TCF24: variants seen among roughly 807,000 people sequenced by gnomAD.
TCF24 encodes the protein transcription factor 24.
Under a neutral mutation model 9.3 loss-of-function variants are expected in TCF24, and 5 were observed. The ratio of observed to expected loss-of-function variants is 0.54; its 90% CI spans 0.28 to 1.13. The LOEUF (loss-of-function observed/expected upper bound fraction) is 1.13, where lower values mean the gene tolerates loss of function less well. Among genes scored for constraint, TCF24 ranks in the 50% most tolerant of loss-of-function variants. The probability of loss-of-function intolerance (pLI) is 0.09; values close to 1 mark genes in which losing one functional copy is unlikely to be tolerated. For missense variants in TCF24, 220 were observed against 236.1 expected (o/e 0.93, Z 0.45); for synonymous variants, 110 against 115.8 (o/e 0.95, Z 0.32).
intron 3 of TCF24, among the ~76,000 whole-genome samples, chr8:66,950,539 T>C (rs564452203): frequency 6.6e-6 from 1 of 151,764 alleles, no homozygotes; most frequent in East Asian, 1.9e-4. Context: ...CCTCCAGCTT[T>C]GTTCTTTTGG....
intron 3 of TCF24, among the ~76,000 whole-genome samples, chr8:66,960,023 C>T (rs1203591960): frequency 6.6e-6 from 1 of 152,130 alleles, no homozygotes; most frequent in Non-Finnish European, 1.5e-5. Flanking sequence ...TTAACAGATG[C>T]TCTTTGTATT....
intron 3 of TCF24, among the ~76,000 whole-genome samples, chr8:66,949,557 A>G (rs1012651880): frequency 6.6e-6 from 1 of 152,192 alleles, no homozygotes; most frequent in African/African-American, 2.4e-5. Flanking sequence ...TAATGCCGCA[A>G]TAAACATACG....
chr8:66,958,971 ATGTT>A (rs745854274), intron 3 of TCF24, among the ~76,000 whole-genome samples: 4 of 152,072 alleles, frequency 2.6e-5, no homozygotes, highest in Non-Finnish European at 5.9e-5. Context: ...TTCATTTGAG[ATGTT>A]TGTTTTCTTT....
chr8:66,951,702 C>G (rs974221893), intron 3 of TCF24, among the ~76,000 whole-genome samples: 2 of 151,984 alleles, frequency 1.3e-5, no homozygotes, highest in East Asian at 3.9e-4. Context: ...TGGTAGAATT[C>G]GGCTGTGAAT....
intron 3 of TCF24, among the ~76,000 whole-genome samples, chr8:66,958,873 G>A (rs1298200762): frequency 6.6e-6 from 1 of 152,192 alleles, no homozygotes; most frequent in Non-Finnish European, 1.5e-5. Context: ...AGCTGATGCT[G>A]ATGGAAATAA....
intron 3 of TCF24, among the ~76,000 whole-genome samples, chr8:66,957,111 CAAAAAAAA>C (rs1165600722): frequency 6.4e-5 from 1 of 15,728 alleles, no homozygotes; most frequent in East Asian, 2.8e-3. Flanking sequence ...GACTCCGTCT[CAAAAAAAA>C]AAAAAAAAAA....
chr8:66,958,360 TA>T (rs968118864), intron 3 of TCF24, among the ~76,000 whole-genome samples: 29 of 152,204 alleles, frequency 1.9e-4, no homozygotes, highest in African/African-American at 6.5e-4. Flanking sequence ...TTAGAAAATT[TA>T]GCAAACTCAT....
chr8:66,961,669 C>A lies in TCF24; in HGVS notation c.97G>T (p.Gly33Trp). The stretch of plus-strand genomic sequence containing the variant: ...CCCCCAGGGCCCGCCGGCCCCGGCC[C>A]GGTCCGCCCGGGACGCGAGTCGCGG... ...AIRDSRPGRT[G>W]PGPAGPGGGS... Residue 33 changes from glycine to tryptophan, a missense_variant, in exon 3 of 4, where the codon GGG becomes TGG. Gly to Trp is a radical substitution (Grantham distance 184). Coordinates refer to ENST00000563496, the MANE Select transcript of TCF24 (RefSeq NM_001193502.2). 9.0e-7 allele frequency: 1 copy of A among 1,117,164 alleles called. No individual in the cohort carries two copies. Among genetic ancestry groups the A allele is most frequent in the Non-Finnish European group, 1.1e-6 (1 of 915,940 alleles). The allele number at this position is 1,117,164 out of a possible 1,614,324, so 69.2% of individuals were successfully genotyped here.
chr8:66,959,810 AAAAC>A (rs1479541037), intron 3 of TCF24, among the ~76,000 whole-genome samples: 67 of 152,356 alleles, frequency 4.4e-4, no homozygotes, highest in African/African-American at 1.5e-3. Flanking sequence ...TTTTAAAATA[AAAAC>A]AATCAATATT....
At chr8:66,949,196 T>C (rs182234107) in intron 3 of TCF24, among the ~76,000 whole-genome samples, 53 of 152,172 alleles carry the variant, frequency 3.5e-4, no homozygotes, top group Admixed American at 1.5e-3. Flanking sequence ...GCTGGTGCGC[T>C]GCACCCACTA....
intron 1 of TCF24, 70 bp downstream of exon 1, chr8:66,962,259 C>G (rs1563408905): frequency 6.6e-6 from 1 of 152,386 alleles, no homozygotes; most frequent in Non-Finnish European, 1.5e-5. Flanking sequence ...TTAGCCTCAC[C>G]TCGGGGTACG....
Position 66,946,967 on chromosome 8 carries a change from ATAAAGATTCTTTT to A in TCF24, c.*1071_*1083del, listed in dbSNP as rs1391314040. 1 of 152,186 alleles carries A rather than the reference ATAAAGATTCTTTT, an allele frequency of 6.6e-6. No homozygotes were observed. Among genetic ancestry groups the A allele is most frequent in the Non-Finnish European group, 1.5e-5 (1 of 68,046 alleles). 9.4% of individuals were successfully genotyped at this position (152,186 alleles called of 1,614,324 possible). On this transcript the variant is annotated 3_prime_UTR_variant, in exon 4 of 4. Transcript: ENST00000563496. ...AGAAGTTTTGATTTCATTCCTTAGG[ATAAAGATTCTTTT>A]TAGCACTTCTTATGTCAATAACTTA...
chr8:66,948,764 C>T (rs1320552925), intron 3 of TCF24, among the ~76,000 whole-genome samples: 1 of 152,034 alleles, frequency 6.6e-6, no homozygotes, highest in Non-Finnish European at 1.5e-5. Context: ...GGCACAATCT[C>T]GGTTCACTGC....
chr8:66,958,213 C>CA (rs1814194874), intron 3 of TCF24, among the ~76,000 whole-genome samples: 1 of 152,022 alleles, frequency 6.6e-6, no homozygotes, highest in Non-Finnish European at 1.5e-5. Context: ...ATCAGGATGC[C>CA]AAAAAAGCCA....
intron 3 of TCF24, among the ~76,000 whole-genome samples, chr8:66,954,353 G>T (rs951721072): frequency 1.3e-5 from 2 of 151,692 alleles, no homozygotes; most frequent in Admixed American, 6.6e-5. Context: ...ATACCCTGCC[G>T]TGTGAGGTGT....
chr8:66,961,591 G>T lies in TCF24; in HGVS notation c.175C>A (p.Arg59Ser). Residue 59 changes from arginine (R) to serine (S), a missense_variant, in exon 3 of 4, where the codon CGC becomes AGC. By Grantham distance (110) the Arg-to-Ser change is moderately radical. Coordinates refer to ENST00000563496, the MANE Select transcript of TCF24 (RefSeq NM_001193502.2). Reference protein sequence around the residue: ...RPAAANAARERSRVQTLRHAF... With the variant: ...RPAAANAARESSRVQTLRHAF... ...TGCCGCAGGGTCTGCACCCGGCTGC[G>T]CTCCCGCGCCGCATTCGCCGCCGCC... 7.4e-7 allele frequency: 1 copy of T among 1,345,954 alleles called. No individual in the cohort carries two copies. The highest frequency in any genetic ancestry group is 9.5e-7 in the Non-Finnish European group (1 of 1,048,516). The allele number at this position is 1,345,954 out of a possible 1,614,324, so 83.4% of individuals were successfully genotyped here. A position where few individuals can be genotyped will look rare whatever the true frequency, so the allele number is the denominator to read the frequency against.
In TCF24 at chr8:66,961,403, G is replaced by T; in HGVS notation, c.363C>A (p.Arg121=). Residue 121 remains arginine (R), a synonymous_variant, in exon 3 of 4, where the codon CGC becomes CGA. Coordinates refer to ENST00000563496, the MANE Select transcript of TCF24 (RefSeq NM_001193502.2). ...APADAGLGAL[R]GDGYLHPVKK... ...TGACCGGGTGCAGGTAGCCATCGCC[G>T]CGCAGGGCGCCCAACCCGGCGTCCG... 2.7e-6 allele frequency: 4 copies of T among 1,509,006 alleles called. No individual in the cohort carries two copies. Among genetic ancestry groups the T allele is most frequent in the Non-Finnish European group, 3.5e-6 (4 of 1,135,140 alleles). 93.5% of individuals were successfully genotyped at this position (1,509,006 alleles called of 1,614,324 possible).
At chr8:66,961,283 G>A (rs929095408) in intron 3 of TCF24, 93 bp downstream of exon 3, 5 of 1,320,616 alleles carry the variant, frequency 3.8e-6, no homozygotes, top group Non-Finnish European at 3.9e-6. Context: ...ACCCGAAAAG[G>A]AATTAGAGCA....
Position 66,960,354 on chromosome 8 carries a change from C to A in TCF24, c.390+1022G>T, listed in dbSNP as rs1285984910. 2.0e-5 allele frequency among the ~76,000 whole-genome samples: 3 copies of A among 151,514 alleles called. No individual in the cohort carries two copies. The South Asian group carries it at 6.3e-4, about 32-fold the overall frequency. The stretch of plus-strand genomic sequence containing the variant: ...GTTAATATCAGAGGGTGTGCTTTAC[C>A]ATATTAAATAATTTATTGAACACTG... On this transcript the variant is annotated intron_variant, in intron 3 of 3. Coordinates refer to ENST00000563496, the MANE Select transcript of TCF24 (RefSeq NM_001193502.2).
Sources: gnomAD v4.1 joint callset for allele counts (sites outside exome capture counted in the v4.1 genomes callset) on GRCh38, gnomAD v4.1.1 for gene constraint, MANE v1.5 for transcripts, NCBI Gene and HGNC (gene_info 2026-07-23, HGNC 2026-07-21) for gene names.